Variants in ZFHX3 observed in about 807,000 individuals in gnomAD.
The protein encoded by ZFHX3 is zinc finger homeobox 3.
Under a neutral mutation model 279.1 loss-of-function variants are expected in ZFHX3, and 42 were observed. That is an observed-to-expected ratio of 0.15 (90% CI 0.12 to 0.19). ZFHX3 has a LOEUF of 0.19. ZFHX3 is among the 10% of genes least tolerant of loss of function. ZFHX3 has a pLI of 1.00. For synonymous variants in ZFHX3, 2,293 were observed against 1,957.8 expected (o/e 1.17, Z -4.52); for missense variants, 4,981 against 4,754.0 (o/e 1.05, Z -1.40).
At chr16:73,610,631 C>T (rs1034384514) in intron 2 of ZFHX3, among the ~76,000 whole-genome samples, 3 of 152,100 alleles carry the variant, frequency 2.0e-5, no homozygotes, top group African/African-American at 4.8e-5. Context: ...TCCCATTCCT[C>T]GAATGTTCCT....
In ZFHX3 at chr16:73,028,340, G is replaced by A. The variant is rs887223568; in HGVS notation, c.-50+19412C>T. Reference sequence around the variant, plus strand: ...GGAAAACACCATCCATCAAGGTGCCGGACAGTTGTTCGGGAGAAGTCCTGC... The same window carrying A: ...GGAAAACACCATCCATCAAGGTGCCAGACAGTTGTTCGGGAGAAGTCCTGC... On this transcript the variant is annotated intron_variant, in intron 1 of 9. Transcript: ENST00000268489. Among the ~76,000 whole-genome samples the A allele has an allele frequency of 2.0e-5, 3 of 152,144 alleles. No homozygotes were observed. The East Asian group carries it at 5.8e-4, about 29-fold the overall frequency.
chr16:72,889,885 C>T lies in ZFHX3; in HGVS notation c.3294G>A (p.Lys1098=). ...CATGCTGGATGAGGTTGAGCTTGGC[C>T]TTGGTGGAGTAGTTGCACAGAACGC... The part of the protein sequence containing the change: ...YHCVLCNYST[K]AKLNLIQHVR... The change falls in exon 4 of 10, where the codon AAG becomes AAA. Residue 1098 remains lysine (K), a synonymous_variant. Transcript: ENST00000268489. 2 of 1,614,186 alleles carry T rather than the reference C, an allele frequency of 1.2e-6. No individual in the cohort carries two copies. The highest frequency in any genetic ancestry group is 1.7e-6 in the Non-Finnish European group (2 of 1,180,042).
At chr16:73,799,693 T>C (rs909303717) in intron 1 of ZFHX3, among the ~76,000 whole-genome samples, 2 of 152,142 alleles carry the variant, frequency 1.3e-5, no homozygotes, top group African/African-American at 4.8e-5. Flanking sequence ...CCTTGAAACC[T>C]CCTGAGCAGA....
chr16:73,181,549 T>G (rs1967796598), intron 5 of ZFHX3, among the ~76,000 whole-genome samples: 1 of 152,224 alleles, frequency 6.6e-6, no homozygotes, highest in Non-Finnish European at 1.5e-5. Context: ...ATGTCACCAC[T>G]GGTTCCATTA....
At chr16:73,071,799 G>C (rs1965829854) in intron 8 of ZFHX3, among the ~76,000 whole-genome samples, 1 of 152,220 alleles carries the variant, frequency 6.6e-6, no homozygotes, top group Non-Finnish European at 1.5e-5. Flanking sequence ...TCACAGAAAG[G>C]TGGAGATAGG....
intron 1 of ZFHX3, chr16:73,812,593 A>T (rs1960455428): frequency 6.6e-6 from 1 of 152,264 alleles, no homozygotes; most frequent in South Asian, 2.1e-4. Flanking sequence ...CAGGTCACAG[A>T]CTGATACTAG....
chr16:73,623,597 A>C (rs2052388594), intron 2 of ZFHX3, among the ~76,000 whole-genome samples: 1 of 152,232 alleles, frequency 6.6e-6, no homozygotes, highest in Non-Finnish European at 1.5e-5. Context: ...AAATGGAGGT[A>C]ATAGGTACTC....
intron 1 of ZFHX3, among the ~76,000 whole-genome samples, chr16:73,865,601 G>T (rs1961994609): frequency 1.3e-5 from 2 of 151,996 alleles, no homozygotes; most frequent in Admixed American, 6.6e-5. Flanking sequence ...CCCAGTTCTG[G>T]GCCATTGGCA....
intron 3 of ZFHX3, among the ~76,000 whole-genome samples, chr16:73,355,240 G>A (rs2016318409): frequency 6.6e-6 from 1 of 152,158 alleles, no homozygotes; most frequent in Non-Finnish European, 1.5e-5. Flanking sequence ...ACTCTTTTCT[G>A]CCTTTTCTTC....
At chr16:73,767,884 T>C (rs145062618) in intron 1 of ZFHX3, among the ~76,000 whole-genome samples, 1 of 152,196 alleles carries the variant, frequency 6.6e-6, no homozygotes, top group Non-Finnish European at 1.5e-5. Flanking sequence ...TGATTTGAGA[T>C]TGCAACAAAG....
chr16:73,399,822 T>G (rs1280853620), intron 3 of ZFHX3, among the ~76,000 whole-genome samples: 3 of 129,778 alleles, frequency 2.3e-5, no homozygotes, highest in Admixed American at 8.0e-5. Flanking sequence ...GTGTGGTGTG[T>G]GGAGTGTGGT....
At chr16:73,403,480 C>T (rs2017299096) in intron 3 of ZFHX3, among the ~76,000 whole-genome samples, 1 of 152,148 alleles carries the variant, frequency 6.6e-6, no homozygotes, top group Admixed American at 6.5e-5. Context: ...TCTGTGTGCA[C>T]GTTTGTACCT....
chr16:73,171,350 C>G (rs1424732340), intron 5 of ZFHX3, among the ~76,000 whole-genome samples: 1 of 152,096 alleles, frequency 6.6e-6, no homozygotes, highest in Non-Finnish European at 1.5e-5. Context: ...GGGTCAGGCA[C>G]CGATCAAATG....
At chr16:73,505,248 C>T (rs1212671361) in intron 2 of ZFHX3, among the ~76,000 whole-genome samples, 1 of 152,158 alleles carries the variant, frequency 6.6e-6, no homozygotes, top group Non-Finnish European at 1.5e-5. Flanking sequence ...GCTCTGCTGT[C>T]TAAATGCAGA....
At chr16:73,259,034 G>T (rs781415370) in intron 4 of ZFHX3, among the ~76,000 whole-genome samples, 1 of 152,134 alleles carries the variant, frequency 6.6e-6, no homozygotes, top group Non-Finnish European at 1.5e-5. Flanking sequence ...CTATGTTGGA[G>T]CTACGGTTTC....
At chr16:73,514,878 C>T (rs1015088446) in intron 2 of ZFHX3, among the ~76,000 whole-genome samples, 9 of 152,152 alleles carry the variant, frequency 5.9e-5, no homozygotes, top group Non-Finnish European at 1.0e-4. Context: ...TTACCAGGAT[C>T]CCTATCCCAG....
intron 1 of ZFHX3, among the ~76,000 whole-genome samples, chr16:72,997,161 C>G (rs921472792): frequency 1.3e-5 from 2 of 152,230 alleles, no homozygotes; most frequent in Non-Finnish European, 2.9e-5. Context: ...GCTTCACAAA[C>G]AGGTTCTGTG....
intron 2 of ZFHX3, among the ~76,000 whole-genome samples, chr16:73,616,514 T>G (rs914503992): frequency 2.0e-5 from 3 of 151,244 alleles, no homozygotes; most frequent in Admixed American, 6.6e-5. Flanking sequence ...TGGAAGCCAA[T>G]TTAAAAGCTT....
At chr16:73,853,025 A>G (rs1355639654) in intron 1 of ZFHX3, among the ~76,000 whole-genome samples, 1 of 152,242 alleles carries the variant, frequency 6.6e-6, no homozygotes, top group Admixed American at 6.5e-5. Context: ...GGACCTGAAC[A>G]GACATTTCTC....
Sources: gnomAD v4.1 joint callset for allele counts (sites outside exome capture counted in the v4.1 genomes callset) on GRCh38, gnomAD v4.1.1 for gene constraint, MANE v1.5 for transcripts, NCBI Gene and HGNC (gene_info 2026-07-23, HGNC 2026-07-21) for gene names.